KCNE1: variants seen among roughly 807,000 people sequenced by gnomAD.
KCNE1 encodes the protein potassium voltage-gated channel subfamily E member 1.
Under a neutral mutation model 2.9 loss-of-function variants are expected in KCNE1, and 1 was observed. That is an observed-to-expected ratio of 0.34 (90% CI 0.12 to 1.62). The LOEUF is 1.62. Among genes scored for constraint, KCNE1 ranks in the 40% most tolerant of loss-of-function variants. The pLI is 0.36. For missense variants in KCNE1, 45 were observed against 150.5 expected, an observed-to-expected ratio of 0.30 and a Z score of 3.67; for synonymous variants, 23 against 65.4, an observed-to-expected ratio of 0.35 and a Z score of 3.13.
chr21:34,497,887 C>CT (rs1437238164), intron 2 of KCNE1, among the ~76,000 whole-genome samples: 10 of 150,350 alleles, frequency 6.7e-5, no homozygotes, highest in South Asian at 2.1e-4. Flanking sequence ...CTTTTTTTTT[C>CT]TTTTTTTTGG....
intron 2 of KCNE1, among the ~76,000 whole-genome samples, chr21:34,508,902 G>T (rs1983668401): frequency 6.6e-6 from 1 of 152,218 alleles, no homozygotes; most frequent in Non-Finnish European, 1.5e-5. Context: ...AAAATTAGCT[G>T]AGAAAAGATT....
intron 2 of KCNE1, among the ~76,000 whole-genome samples, chr21:34,499,195 C>G (rs1297600780): frequency 6.6e-6 from 1 of 152,180 alleles, no homozygotes; most frequent in African/African-American, 2.4e-5. Flanking sequence ...ATAGGCCTCA[C>G]CCAGCTCCCA....
chr21:34,509,031 C>A (rs1402186731), intron 2 of KCNE1, among the ~76,000 whole-genome samples: 1 of 152,224 alleles, frequency 6.6e-6, no homozygotes, highest in Non-Finnish European at 1.5e-5. Context: ...ACCACAAATT[C>A]ATCACCTTGG....
intron 1 of KCNE1, among the ~76,000 whole-genome samples, chr21:34,511,694 C>T (rs568963002): frequency 7.2e-5 from 11 of 152,202 alleles, no homozygotes; most frequent in Admixed American, 1.3e-4. Context: ...ATGTGAGGCC[C>T]GGACGTCCTA....
At chr21:34,498,644 A>G (rs1193583458) in intron 2 of KCNE1, among the ~76,000 whole-genome samples, 1 of 152,240 alleles carries the variant, frequency 6.6e-6, no homozygotes, top group Admixed American at 6.5e-5. Flanking sequence ...CTTTGGTTGT[A>G]GATATCTTTA....
intron 2 of KCNE1, among the ~76,000 whole-genome samples, chr21:34,505,405 G>A (rs1390993259): frequency 6.6e-6 from 1 of 151,986 alleles, no homozygotes; most frequent in Non-Finnish European, 1.5e-5. Flanking sequence ...AAAGAACTGA[G>A]ATTACAGGCG....
chr21:34,507,436 C>T (rs1186442591), intron 2 of KCNE1, among the ~76,000 whole-genome samples: 1 of 152,202 alleles, frequency 6.6e-6, no homozygotes, highest in Admixed American at 6.5e-5. Flanking sequence ...CTGGATAACA[C>T]ACAAGGATGA....
chr21:34,500,997 G>A (rs1281674012), intron 2 of KCNE1, among the ~76,000 whole-genome samples: 1 of 152,152 alleles, frequency 6.6e-6, no homozygotes, highest in African/African-American at 2.4e-5. Flanking sequence ...AAGACCTTTG[G>A]GGACAAGACT....
intron 2 of KCNE1, among the ~76,000 whole-genome samples, chr21:34,501,450 A>C (rs1983162967): frequency 6.6e-6 from 1 of 152,230 alleles, no homozygotes; most frequent in African/African-American, 2.4e-5. Context: ...ACAGTGACCC[A>C]TCAGTCTGAG....
chr21:34,503,742 C>T (rs1983310053), intron 2 of KCNE1, among the ~76,000 whole-genome samples: 1 of 152,206 alleles, frequency 6.6e-6, no homozygotes, highest in African/African-American at 2.4e-5. Context: ...TGCCATCAGC[C>T]ATGGGTGAGT....
intron 2 of KCNE1, among the ~76,000 whole-genome samples, chr21:34,497,666 T>C (rs1282536413): frequency 3.3e-5 from 5 of 152,228 alleles, no homozygotes; most frequent in Admixed American, 2.0e-4. Context: ...GCCTAGATGA[T>C]GATCTATTTG....
rs930165557 is a variant in KCNE1 at position 34,511,364 on chromosome 21, T to C, written c.-376-49A>G. 3 of 926,856 alleles carry C rather than the reference T, an allele frequency of 3.2e-6. No homozygotes were observed. In the African/African-American group the frequency reaches 5.4e-5, roughly 17 times the overall value. The allele number at this position is 926,856 out of a possible 1,614,324, so 57.4% of individuals were successfully genotyped here. On this transcript the variant is annotated intron_variant, in intron 1 of 3. Coordinates refer to ENST00000399286, the MANE Select transcript of KCNE1 (RefSeq NM_000219.6). Reference sequence around the variant, plus strand: ...GGAAACTTAATCCCCAAAGCAACAGTGTTGGGAGGTGGGACCTAATGGGAG... The same window carrying C: ...GGAAACTTAATCCCCAAAGCAACAGCGTTGGGAGGTGGGACCTAATGGGAG...
At chr21:34,505,387 G>A (rs188300409) in intron 2 of KCNE1, among the ~76,000 whole-genome samples, 2 of 151,996 alleles carry the variant, frequency 1.3e-5, no homozygotes, top group African/African-American at 2.4e-5. Context: ...CACTTGCCTC[G>A]GCCTCCCAAA....
Position 34,449,327 on chromosome 21 carries a change from T to C in KCNE1, c.308A>G (p.Tyr103Cys), listed in dbSNP as rs1178861382. The change falls in exon 4 of 4, where the codon TAC becomes TGC. Residue 103 changes from tyrosine (Y) to cysteine (C), a missense_variant. Tyr to Cys is a radical substitution (Grantham distance 194). Coordinates refer to ENST00000399286, the MANE Select transcript of KCNE1 (RefSeq NM_000219.6). ...GTTTTCAACGACATAGCACGACCTG[T>C]AGCTCTCCAGGACCCGGGCCTGGAC... ...AYVQARVLES[Y>C]RSCYVVENHL... 41 of 1,536,248 alleles carry C rather than the reference T, an allele frequency of 2.7e-5. 2 individuals carry two copies. The Admixed American group carries it at 6.9e-4, about 26-fold the overall frequency.
chr21:34,511,719 G>A (rs1447415995), intron 1 of KCNE1, among the ~76,000 whole-genome samples: 1 of 152,226 alleles, frequency 6.6e-6, no homozygotes, highest in East Asian at 1.9e-4. Context: ...GCAGCAGTTA[G>A]AGGTCTGGCC....
intron 2 of KCNE1, among the ~76,000 whole-genome samples, chr21:34,503,264 T>G (rs1983275077): frequency 6.6e-6 from 1 of 152,174 alleles, no homozygotes; most frequent in East Asian, 1.9e-4. Flanking sequence ...TTGCTTATGT[T>G]TATCCCTTAT....
intron 2 of KCNE1, among the ~76,000 whole-genome samples, chr21:34,496,737 C>A (rs2123502448): frequency 6.6e-6 from 1 of 152,168 alleles, no homozygotes; most frequent in African/African-American, 2.4e-5. Context: ...CTTGATGATC[C>A]ATCTAGTGCT....
intron 2 of KCNE1, among the ~76,000 whole-genome samples, chr21:34,499,063 G>C (rs150016269): frequency 1.1e-4 from 16 of 152,198 alleles, no homozygotes; most frequent in Non-Finnish European, 2.4e-4. Flanking sequence ...CTTGAGCAAG[G>C]CTTGCCACAG....
chr21:34,498,183 G>A (rs999273190), intron 2 of KCNE1, among the ~76,000 whole-genome samples: 1 of 151,964 alleles, frequency 6.6e-6, no homozygotes, highest in Non-Finnish European at 1.5e-5. Context: ...TCTTTATCTG[G>A]CAATTTAGAT....
Sources: gnomAD v4.1 joint callset for allele counts (sites outside exome capture counted in the v4.1 genomes callset) on GRCh38, gnomAD v4.1.1 for gene constraint, MANE v1.5 for transcripts, NCBI Gene and HGNC (gene_info 2026-07-23, HGNC 2026-07-21) for gene names.